The following PTPRQ variants were observed in gnomAD, a reference collection of about 807,000 sequenced individuals.
The protein encoded by PTPRQ is phosphatidylinositol phosphatase PTPRQ.
Under a neutral mutation model 246.0 loss-of-function variants are expected in PTPRQ, and 199 were observed. The ratio of observed to expected loss-of-function variants is 0.81; its 90% confidence interval spans 0.72 to 0.91. The LOEUF is 0.91. PTPRQ is among the 40% of genes least tolerant of loss of function. The pLI is 0.00. For synonymous variants in PTPRQ, 869 were observed against 853.2 expected (o/e 1.02, Z -0.32); for missense variants, 2,624 against 2,528.4 (o/e 1.04, Z -0.81).
At chr12:80,468,217 G>A (rs1274790530) in intron 6 of PTPRQ, among the ~76,000 whole-genome samples, 1 of 151,964 alleles carries the variant, frequency 6.6e-6, no homozygotes, top group Admixed American at 6.6e-5. Flanking sequence ...TTATAAATTT[G>A]TTCTTAGAAT....
At chr12:80,480,895 C>A (rs1188834736) in intron 8 of PTPRQ, among the ~76,000 whole-genome samples, 1 of 152,086 alleles carries the variant, frequency 6.6e-6, no homozygotes, top group South Asian at 2.1e-4. Flanking sequence ...GCTTACCAAC[C>A]AAAAAGAGTC....
intron 14 of PTPRQ, among the ~76,000 whole-genome samples, chr12:80,497,368 G>A (rs572489798): frequency 1.4e-4 from 22 of 151,874 alleles, no homozygotes; most frequent in Non-Finnish European, 2.4e-4. Flanking sequence ...TAGAGTTTGC[G>A]CTCCAATGAA....
At chr12:80,579,173 A>G (rs1565798209) in intron 25 of PTPRQ, among the ~76,000 whole-genome samples, 2 of 152,144 alleles carry the variant, frequency 1.3e-5, no homozygotes, top group Non-Finnish European at 1.5e-5. Context: ...CCTATTCCTA[A>G]TAACAAGTGA....
rs752626535 is a variant in PTPRQ, at chr12:80,673,202, T to C, written c.6636T>C (p.Ala2212=). ...TTGGAAGAACTGGAGTTTTTATTGC[T>C]CTGGACCATTTAACACAACATATAA... ...AGVGRTGVFI[A]LDHLTQHIND... The change falls in exon 43 of 45, where the codon GCT becomes GCC. Residue 2212 remains alanine, a synonymous_variant. Transcript: ENST00000644991. 7 of 1,551,036 alleles carry C rather than the reference T, an allele frequency of 4.5e-6. No individual in the cohort carries two copies. The South Asian group carries it at 8.3e-5, about 18-fold the overall frequency.
At chr12:80,540,681 A>C (rs1896125130) in intron 20 of PTPRQ, among the ~76,000 whole-genome samples, 1 of 152,088 alleles carries the variant, frequency 6.6e-6, no homozygotes, top group African/African-American at 2.4e-5. Flanking sequence ...TGAATGCTTG[A>C]TTTGTTGTTG....
In PTPRQ at chr12:80,620,248, T is replaced by C. The variant is rs749780189; in HGVS notation, c.5484T>C (p.Cys1828=). The C allele has an allele frequency of 1.3e-5, 20 of 1,549,314 alleles. No individual in the cohort carries two copies. The South Asian group carries it at 2.3e-4, about 18-fold the overall frequency. The change falls in exon 32 of 45, where the codon TGT becomes TGC. Residue 1828 remains cysteine (C), a synonymous_variant. Transcript: ENST00000644991. ...ATGAAGGCTTTCCTAACCCTCCATGTACAGAAGGAAAGACAAAGTTTAGTG... is the reference window on the plus strand; with the variant it reads ...ATGAAGGCTTTCCTAACCCTCCATGCACAGAAGGAAAGACAAAGTTTAGTG... ...FTNEGFPNPP[C]TEGKTKFSGN...
At chr12:80,642,926 A>C (rs1565836869) in intron 35 of PTPRQ, among the ~76,000 whole-genome samples, 2 of 147,422 alleles carry the variant, frequency 1.4e-5, no homozygotes, top group African/African-American at 5.2e-5. Context: ...TCTTAAAAAA[A>C]AAAAAAAAAA....
intron 16 of PTPRQ, among the ~76,000 whole-genome samples, 195 bp downstream of exon 16, chr12:80,506,865 A>G (rs891329438): frequency 1.3e-5 from 2 of 152,014 alleles, no homozygotes; most frequent in African/African-American, 4.8e-5. Flanking sequence ...GAAATCAGGC[A>G]TAAAATGTTT....
intron 25 of PTPRQ, among the ~76,000 whole-genome samples, chr12:80,582,541 C>G (rs1466866070): frequency 5.9e-5 from 9 of 152,180 alleles, no homozygotes; most frequent in Non-Finnish European, 1.5e-5. Context: ...CTTTTGCCCT[C>G]TTTCTGCTAT....
rs529042558 is a variant in PTPRQ, at chr12:80,613,578, A to G, written c.4919-14A>G. 25 of 1,492,808 alleles carry G rather than the reference A, an allele frequency of 1.7e-5. No individual in the cohort carries two copies. The South Asian group carries it at 3.3e-4, about 20-fold the overall frequency. 92.5% of individuals were successfully genotyped at this position (1,492,808 alleles called of 1,614,324 possible). A position where few individuals can be genotyped will look rare whatever the true frequency, so the allele number is the denominator to read the frequency against. On this transcript the variant is annotated splice_polypyrimidine_tract_variant and intron_variant, in intron 28 of 44. Transcript: ENST00000644991. The stretch of plus-strand genomic sequence containing the variant: ...AATATTTTTAAAAATTAATTGTTAA[A>G]TATTTTATTTTAGCCCCAAAGGACC...
chr12:80,472,149 A>G lies in PTPRQ; in HGVS notation c.1084A>G (p.Thr362Ala), dbSNP rs1438898812. 1 of 1,551,478 alleles carries G rather than the reference A, an allele frequency of 6.4e-7. No individual in the cohort carries two copies. The highest frequency in any genetic ancestry group is 8.7e-7 in the Non-Finnish European group (1 of 1,146,966). The stretch of plus-strand genomic sequence containing the variant: ...CACAAAAGACCTCAAGTTTGCATTC[A>G]CTAACCTAACACCATTTACAATGTA... ...NSTKDLKFAFTNLTPFTMYDV... is the reference protein window; with the variant it reads ...NSTKDLKFAFANLTPFTMYDV... Residue 362 changes from threonine (T) to alanine (A), a missense_variant, in exon 8 of 45, where the codon ACT (threonine) becomes GCT (alanine). Physicochemically the swap from Thr to Ala is moderately conservative, Grantham distance 58. Transcript: ENST00000644991.
At chr12:80,670,233 G>C in intron 41 of PTPRQ, 111 bp from the exon 42 acceptor site, 1 of 1,433,742 alleles carries the variant, frequency 7.0e-7, no homozygotes, top group Non-Finnish European at 9.4e-7. Flanking sequence ...TATTTGGTTT[G>C]GTAAATAGTC....
chr12:80,484,653 C>T (rs1894214612), intron 9 of PTPRQ, 48 bp downstream of exon 9: 3 of 1,534,832 alleles, frequency 2.0e-6, no homozygotes, highest in Non-Finnish European at 2.6e-6. Flanking sequence ...CTGCTTGGTT[C>T]TGGCTCTGAT....
chr12:80,552,645 T>TATATATATATA (rs1486986901), intron 25 of PTPRQ, among the ~76,000 whole-genome samples: 1 of 76,474 alleles, frequency 1.3e-5, no homozygotes. Flanking sequence ...AAAAAAAAAA[T>TATATATATATA]TATATATATA....
At chr12:80,529,835 A>G (rs1204578235) in intron 17 of PTPRQ, among the ~76,000 whole-genome samples, 1 of 152,118 alleles carries the variant, frequency 6.6e-6, no homozygotes, top group African/African-American at 2.4e-5. Flanking sequence ...CATTTCCTAA[A>G]TTAGAAAAAG....
chr12:80,624,571 T>A (rs1249051291), intron 33 of PTPRQ, among the ~76,000 whole-genome samples: 2 of 152,188 alleles, frequency 1.3e-5, no homozygotes, highest in Non-Finnish European at 2.9e-5. Context: ...GAAATGAGAA[T>A]GCACCCCTGG....
chr12:80,505,202 T>G (rs1271528515), intron 14 of PTPRQ, among the ~76,000 whole-genome samples: 4 of 151,948 alleles, frequency 2.6e-5, no homozygotes, highest in African/African-American at 9.7e-5. Context: ...AAGGCAAAAC[T>G]GGCTTTAGTA....
At position 80,620,202 on chromosome 12, in the gene PTPRQ, A is replaced by C. The variant is rs556871115; in HGVS notation, c.5438A>C (p.Lys1813Thr). ...AAGTGGTATGATGCATATTTTAATA[A>C]AGCAAGGCCATATTTTACAAATGAA... ...VTKWYDAYFN[K>T]ARPYFTNEGF... The change falls in exon 32 of 45, where the codon AAA (lysine) becomes ACA (threonine). Residue 1813 changes from lysine to threonine, a missense_variant. Physicochemically the swap from Lys to Thr is moderately conservative, Grantham distance 78 (BLOSUM62 -1). Transcript: ENST00000644991. The C allele has an allele frequency of 2.6e-6, 4 of 1,548,988 alleles. No individual in the cohort carries two copies. In the East Asian group the frequency reaches 9.8e-5, roughly 38 times the overall value.
intron 28 of PTPRQ, 66 bp downstream of exon 28, chr12:80,610,691 C>T: frequency 6.7e-7 from 1 of 1,498,824 alleles, no homozygotes; most frequent in Non-Finnish European, 8.9e-7. Context: ...TACAGTTCAT[C>T]ATACTCCACC....
Sources: gnomAD v4.1 joint callset for allele counts (sites outside exome capture counted in the v4.1 genomes callset) on GRCh38, gnomAD v4.1.1 for gene constraint, MANE v1.5 for transcripts, NCBI Gene and HGNC (gene_info 2026-07-23, HGNC 2026-07-21) for gene names.